Variants in DPP10 observed in about 807,000 individuals in gnomAD.
DPP10 encodes inactive dipeptidyl peptidase 10.
DPP10 carries 33 observed loss-of-function variants against 120.9 expected under a neutral mutation model. That is an observed-to-expected ratio of 0.27 (90% CI 0.21 to 0.37). DPP10 has a LOEUF of 0.37. Among genes scored for constraint, DPP10 ranks in the 10% least tolerant of loss-of-function variants. The pLI is 1.00. For missense variants in DPP10, 816 were observed against 942.8 expected, an observed-to-expected ratio of 0.87 and a Z score of 1.76; for synonymous variants, 337 against 326.1, an observed-to-expected ratio of 1.03 and a Z score of -0.36.
At chr2:115,339,152 G>A (rs1203784189) in intron 2 of DPP10, among the ~76,000 whole-genome samples, 1 of 152,108 alleles carries the variant, frequency 6.6e-6, no homozygotes, top group Non-Finnish European at 1.5e-5. Context: ...GTGGGCGAAT[G>A]ACATGAACAG....
chr2:115,336,473 T>C (rs193172769), intron 2 of DPP10, among the ~76,000 whole-genome samples: 39 of 152,124 alleles, frequency 2.6e-4, no homozygotes, highest in Non-Finnish European at 4.7e-4. Flanking sequence ...TTCATAATTA[T>C]AGTATCTGAT....
intron 7 of DPP10, among the ~76,000 whole-genome samples, chr2:115,704,704 T>A (rs1005774599): frequency 6.6e-6 from 1 of 151,976 alleles, no homozygotes; most frequent in Non-Finnish European, 1.5e-5. Context: ...TACCATAAGC[T>A]ATTGAATCTG....
chr2:115,043,937 A>G (rs1400615409), intron 1 of DPP10, among the ~76,000 whole-genome samples: 1 of 152,174 alleles, frequency 6.6e-6, no homozygotes, highest in Non-Finnish European at 1.5e-5. Context: ...ATATATATTT[A>G]TGGGGTACAT....
intron 1 of DPP10, among the ~76,000 whole-genome samples, chr2:114,627,037 A>G (rs1442214761): frequency 6.6e-6 from 1 of 151,984 alleles, no homozygotes; most frequent in Non-Finnish European, 1.5e-5. Context: ...TTCTGTTACA[A>G]TTATCTTCCA....
intron 1 of DPP10, among the ~76,000 whole-genome samples, chr2:115,005,148 T>G (rs570759668): frequency 5.9e-5 from 9 of 151,398 alleles, no homozygotes; most frequent in African/African-American, 2.2e-4. Context: ...CAGACCTGCA[T>G]CTGAGGGTCC....
intron 3 of DPP10, among the ~76,000 whole-genome samples, chr2:115,355,373 C>T (rs1477567325): frequency 6.6e-6 from 1 of 152,058 alleles, no homozygotes; most frequent in Non-Finnish European, 1.5e-5. Flanking sequence ...CGAGAAGTGT[C>T]TGTTCTTAGC....
intron 5 of DPP10, among the ~76,000 whole-genome samples, chr2:115,659,878 T>C (rs1344520569): frequency 2.0e-5 from 3 of 152,196 alleles, no homozygotes; most frequent in East Asian, 3.9e-4. Context: ...CTAAAAGCCA[T>C]GAGTCATTTT....
chr2:115,575,174 G>T (rs1459315033), intron 5 of DPP10, among the ~76,000 whole-genome samples: 1 of 152,162 alleles, frequency 6.6e-6, no homozygotes, highest in African/African-American at 2.4e-5. Flanking sequence ...CTGAGCAGCT[G>T]TACCGAGTGC....
intron 1 of DPP10, among the ~76,000 whole-genome samples, chr2:115,084,756 A>G (rs750627939): frequency 1.9e-4 from 29 of 152,142 alleles, no homozygotes; most frequent in Non-Finnish European, 4.3e-4. Flanking sequence ...TGTGGTCCAT[A>G]TGCTGAATCC....
At chr2:115,051,636 A>G (rs2105346362) in intron 1 of DPP10, among the ~76,000 whole-genome samples, 1 of 152,336 alleles carries the variant, frequency 6.6e-6, no homozygotes, top group East Asian at 1.9e-4. Context: ...ATCTGATTTA[A>G]AAGACAATAG....
At chr2:114,488,083 G>C (rs947786830) in intron 1 of DPP10, among the ~76,000 whole-genome samples, 1 of 152,168 alleles carries the variant, frequency 6.6e-6, no homozygotes, top group Non-Finnish European at 1.5e-5. Context: ...AATAGTGTTC[G>C]AATGTAATTT....
intron 1 of DPP10, among the ~76,000 whole-genome samples, chr2:115,015,897 C>T (rs10193739): frequency 0.017 from 2,590 of 151,950 alleles, 69 homozygotes; most frequent in African/African-American, 0.06. Context: ...ATAGGAAGGG[C>T]CAATATTGTG....
chr2:115,289,503 A>AT (rs1553539658), intron 1 of DPP10, among the ~76,000 whole-genome samples: 41,706 of 95,854 alleles, frequency 0.44, 7,523 homozygotes, highest in Non-Finnish European at 0.51. Flanking sequence ...AAAAAAAAAA[A>AT]AGGAAGAAAA....
intron 1 of DPP10, among the ~76,000 whole-genome samples, chr2:114,797,886 T>C (rs1387589678): frequency 6.6e-6 from 1 of 152,190 alleles, no homozygotes; most frequent in Non-Finnish European, 1.5e-5. Context: ...AAGGGTATTT[T>C]TATCGTGGAG....
chr2:114,553,247 G>A (rs974528595), intron 1 of DPP10, among the ~76,000 whole-genome samples: 1 of 152,204 alleles, frequency 6.6e-6, no homozygotes, highest in African/African-American at 2.4e-5. Context: ...GGCTGGGCCA[G>A]CTTCTCCCGC....
At chr2:114,839,948 G>T (rs1039629063) in intron 1 of DPP10, among the ~76,000 whole-genome samples, 1 of 152,104 alleles carries the variant, frequency 6.6e-6, no homozygotes, top group African/African-American at 2.4e-5. Flanking sequence ...GCAATTTTAT[G>T]CATGAAAAAA....
intron 1 of DPP10, among the ~76,000 whole-genome samples, chr2:114,565,250 T>A (rs1365521973): frequency 6.6e-6 from 1 of 152,234 alleles, no homozygotes; most frequent in African/African-American, 2.4e-5. Flanking sequence ...GCACAACAGC[T>A]GCTGGGCTTC....
chr2:115,295,677 C>G (rs1364958503), intron 1 of DPP10, among the ~76,000 whole-genome samples: 1 of 151,908 alleles, frequency 6.6e-6, no homozygotes, highest in Non-Finnish European at 1.5e-5. Flanking sequence ...CATTTAGTTC[C>G]TGTTCTGCCT....
chr2:114,634,686 C>T (rs994533098), intron 1 of DPP10, among the ~76,000 whole-genome samples: 5 of 151,818 alleles, frequency 3.3e-5, no homozygotes, highest in Middle Eastern at 6.8e-3. Flanking sequence ...CTTTGCAGAG[C>T]GTAACAAAGA....
Sources: gnomAD v4.1 joint callset for allele counts (sites outside exome capture counted in the v4.1 genomes callset) on GRCh38, gnomAD v4.1.1 for gene constraint, MANE v1.5 for transcripts, NCBI Gene and HGNC (gene_info 2026-07-23, HGNC 2026-07-21) for gene names.